The following FA2H variants were observed in gnomAD, a reference collection of about 807,000 sequenced individuals.
FA2H encodes the protein fatty acid 2-hydroxylase.
A neutral mutation model predicts 44.9 loss-of-function variants in FA2H; 22 were observed. The observed-to-expected ratio is 0.49, with a 90% CI of 0.35 to 0.70. The LOEUF (loss-of-function observed/expected upper bound fraction) is 0.70. Among genes scored for constraint, FA2H ranks in the 30% least tolerant of loss-of-function variants. The pLI, the probability that FA2H is intolerant of heterozygous loss-of-function variation, is 0.01. For missense variants in FA2H, 501 were observed against 504.9 expected (o/e 0.99, Z 0.07); for synonymous variants, 243 against 213.2 (o/e 1.14, Z -1.22).
intron 1 of FA2H, among the ~76,000 whole-genome samples, chr16:74,771,173 TTTTTC>T (rs1271194955): frequency 2.0e-5 from 3 of 152,004 alleles, no homozygotes; most frequent in African/African-American, 4.8e-5. Flanking sequence ...CTGCACTCAG[TTTTTC>T]TTTTCTTTTC....
chr16:74,730,006 A>G (rs1484430175), intron 2 of FA2H, among the ~76,000 whole-genome samples: 1 of 152,188 alleles, frequency 6.6e-6, no homozygotes, highest in Non-Finnish European at 1.5e-5. Flanking sequence ...CAGTGATTCC[A>G]GAAACCTCCT....
chr16:74,723,727 G>A (rs901508411), intron 4 of FA2H, among the ~76,000 whole-genome samples: 53 of 152,148 alleles, frequency 3.5e-4, no homozygotes, highest in Non-Finnish European at 4.4e-5. Context: ...AGTGCAGAGA[G>A]CACAGGCATT....
intron 4 of FA2H, among the ~76,000 whole-genome samples, chr16:74,719,645 C>A (rs796094778): frequency 1.5e-4 from 23 of 152,260 alleles, no homozygotes; most frequent in African/African-American, 5.3e-4. Context: ...TCAAGCGATC[C>A]TTCCACCTCA....
At chr16:74,754,560 C>T (rs1414189529) in intron 1 of FA2H, among the ~76,000 whole-genome samples, 11 of 152,116 alleles carry the variant, frequency 7.2e-5, no homozygotes, top group East Asian at 1.9e-4. Context: ...CAGGGTCTGG[C>T]TCTGTCACAC....
intron 5 of FA2H, chr16:74,716,867 G>A (rs1961717269): frequency 3.9e-6 from 2 of 507,564 alleles, no homozygotes; most frequent in South Asian, 2.6e-5. Flanking sequence ...TGGGCAGGAT[G>A]GGTGGGGTGT....
At chr16:74,733,744 T>G (rs930501353) in intron 2 of FA2H, among the ~76,000 whole-genome samples, 3 of 152,188 alleles carry the variant, frequency 2.0e-5, no homozygotes, top group Non-Finnish European at 4.4e-5. Flanking sequence ...ACATTTCGCT[T>G]CCTGCTCTAC....
At chr16:74,733,629 T>C (rs1333536492) in intron 2 of FA2H, among the ~76,000 whole-genome samples, 2 of 152,216 alleles carry the variant, frequency 1.3e-5, no homozygotes, top group Non-Finnish European at 2.9e-5. Flanking sequence ...GCCTCTCACT[T>C]GCTGGTCGTT....
intron 1 of FA2H, among the ~76,000 whole-genome samples, chr16:74,741,840 GTGTGTGTA>G (rs1184564520): frequency 7.0e-5 from 5 of 71,190 alleles, no homozygotes; most frequent in East Asian, 7.2e-4. Context: ...GTGTGTGTAT[GTGTGTGTA>G]TGTGTGTATG....
In FA2H at chr16:74,716,336, C is replaced by G; in HGVS notation, c.1039+11G>C. The G allele has an allele frequency of 6.2e-7, 1 of 1,613,326 alleles. No individual in the cohort carries two copies. The highest frequency in any genetic ancestry group is 8.5e-7 in the Non-Finnish European group (1 of 1,179,556). ...CACATAGGGGGCTGGGAAGCACAGGCCCATCCTCACCTGACTTCTGATGTG... is the reference window on the plus strand; with the variant it reads ...CACATAGGGGGCTGGGAAGCACAGGGCCATCCTCACCTGACTTCTGATGTG... On this transcript the variant is annotated intron_variant, in intron 6 of 6. Coordinates refer to ENST00000219368, the MANE Select transcript of FA2H (RefSeq NM_024306.5).
chr16:74,772,550 G>A (rs1962929511), intron 1 of FA2H, among the ~76,000 whole-genome samples: 1 of 152,202 alleles, frequency 6.6e-6, no homozygotes, highest in South Asian at 2.1e-4. Context: ...CTGAATAAAT[G>A]ATGGAGAAAT....
intron 1 of FA2H, among the ~76,000 whole-genome samples, chr16:74,752,409 G>T (rs987565865): frequency 6.6e-6 from 1 of 151,958 alleles, no homozygotes; most frequent in Non-Finnish European, 1.5e-5. Flanking sequence ...TTCCACTTCA[G>T]CCCCCACCAG....
chr16:74,731,314 T>C (rs1014760311), intron 2 of FA2H, among the ~76,000 whole-genome samples: 2 of 148,488 alleles, frequency 1.3e-5, no homozygotes, highest in Non-Finnish European at 3.0e-5. Context: ...TTTTTTTTTT[T>C]GTATTTTTAG....
At chr16:74,763,211 A>G (rs1962744475) in intron 1 of FA2H, among the ~76,000 whole-genome samples, 1 of 152,170 alleles carries the variant, frequency 6.6e-6, no homozygotes, top group Admixed American at 6.5e-5. Flanking sequence ...ACTAGGGGCT[A>G]TGTACAAGTA....
At chr16:74,774,312 G>T (rs1006912361) in intron 1 of FA2H, among the ~76,000 whole-genome samples, 174 bp downstream of exon 1, 4 of 152,164 alleles carry the variant, frequency 2.6e-5, no homozygotes, top group African/African-American at 7.2e-5. Context: ...GGAAGGAGGG[G>T]TTGGAGGGGA....
rs764721748 is a variant in FA2H at position 74,727,375 on chromosome 16, G to T, written c.375C>A (p.Asp125Glu). Residue 125 changes from aspartate to glutamate, a missense_variant, in exon 3 of 7, where the codon GAC becomes GAA. Asp to Glu is a conservative substitution (Grantham distance 45, BLOSUM62 2). Coordinates refer to ENST00000219368, the MANE Select transcript of FA2H (RefSeq NM_024306.5). ...CCTGCCACAGGAGAGGCTTTCGCCAGTCCACCAGGTCCTGCAAGAGATGAA... is the reference window on the plus strand; with the variant it reads ...CCTGCCACAGGAGAGGCTTTCGCCATTCCACCAGGTCCTGCAAGAGATGAA... ...KVVDWDKDLVDWRKPLLWQVG... is the reference protein window; with the variant it reads ...KVVDWDKDLVEWRKPLLWQVG... The T allele has an allele frequency of 1.2e-6, 2 of 1,614,122 alleles. No homozygotes were observed. Among genetic ancestry groups the T allele is most frequent in the Non-Finnish European group, 1.7e-6 (2 of 1,180,052 alleles).
At chr16:74,746,762 G>A (rs771321813) in intron 1 of FA2H, among the ~76,000 whole-genome samples, 4 of 152,116 alleles carry the variant, frequency 2.6e-5, no homozygotes, top group Non-Finnish European at 5.9e-5. Context: ...TCTTCTCTCT[G>A]TCAATTCCCA....
At chr16:74,722,784 G>A (rs938101414) in intron 4 of FA2H, among the ~76,000 whole-genome samples, 1 of 152,158 alleles carries the variant, frequency 6.6e-6, no homozygotes, top group Admixed American at 6.5e-5. Flanking sequence ...GGTGGTGCAT[G>A]CCTGTAATCC....
chr16:74,734,423 G>A (rs1370110121), intron 2 of FA2H, among the ~76,000 whole-genome samples: 1 of 152,340 alleles, frequency 6.6e-6, no homozygotes, highest in South Asian at 2.1e-4. Flanking sequence ...TCAAAGACCC[G>A]ACCAACGGGC....
chr16:74,764,642 A>G (rs1430427159), intron 1 of FA2H, among the ~76,000 whole-genome samples: 1 of 152,194 alleles, frequency 6.6e-6, no homozygotes, highest in Non-Finnish European at 1.5e-5. Context: ...CACCTGGGTG[A>G]CAAAATAATC....
Sources: allele counts gnomAD v4.1 joint callset (sites outside exome capture counted in the v4.1 genomes callset), GRCh38; gene constraint gnomAD v4.1.1; transcripts MANE v1.5; gene names NCBI Gene and HGNC (gene_info 2026-07-23, HGNC 2026-07-21).